The following MMP13 variants were observed in gnomAD, a reference collection of about 807,000 sequenced individuals.
MMP13 encodes the protein collagenase 3.
A neutral mutation model predicts 52.1 loss-of-function variants in MMP13; 45 were observed. The observed-to-expected ratio is 0.86, with a 90% confidence interval of 0.68 to 1.11. The LOEUF (loss-of-function observed/expected upper bound fraction) is 1.11. Ranked by LOEUF, MMP13 falls within the 50% of genes least tolerant of loss-of-function variation. The pLI, the probability that MMP13 is intolerant of heterozygous loss-of-function variation, is 0.00. For synonymous variants in MMP13, 200 were observed against 204.4 expected (o/e 0.98, Z 0.18); for missense variants, 576 against 583.8 (o/e 0.99, Z 0.14).
At chr11:102,954,352 A>C (rs1343390874) in intron 3 of MMP13, 71 bp from the exon 4 acceptor site, 1 of 1,607,574 alleles carries the variant, frequency 6.2e-7, no homozygotes, top group Non-Finnish European at 8.5e-7. Context: ...TTGGTAAATT[A>C]GTGTTGAATT....
In MMP13 at chr11:102,949,236, C is replaced by T. The variant is rs1860568540; in HGVS notation, c.918-78G>A. 6.4e-7 allele frequency: 1 copy of T among 1,550,612 alleles called. No individual in the cohort carries two copies. The highest frequency in any genetic ancestry group is 8.8e-7 in the Non-Finnish European group (1 of 1,140,600). ...CTATCCTGCTAGTCACCTCTCTCCA[C>T]ATCAACACAGACAAGTTAGATACAA... On this transcript the variant is annotated intron_variant, in intron 6 of 9. Coordinates refer to ENST00000260302, the MANE Select transcript of MMP13 (RefSeq NM_002427.4). This position sits in a 1 kb window ranked among gnomAD's most constrained non-coding sequence, Gnocchi z 4.2.
intron 5 of MMP13, among the ~76,000 whole-genome samples, chr11:102,951,075 C>G (rs1214594710): frequency 2.6e-5 from 4 of 151,950 alleles, no homozygotes; most frequent in Admixed American, 6.6e-5. Flanking sequence ...GGCTTTAACT[C>G]TATAACAGGT....
At chr11:102,946,630 G>C (rs1555016689) in intron 8 of MMP13, among the ~76,000 whole-genome samples, 3 of 152,190 alleles carry the variant, frequency 2.0e-5, no homozygotes, top group African/African-American at 7.2e-5. Flanking sequence ...TCAAGAGGGA[G>C]AGATGCAGGG....
intron 8 of MMP13, among the ~76,000 whole-genome samples, chr11:102,947,186 T>C (rs1860522709): frequency 6.6e-6 from 1 of 152,238 alleles, no homozygotes; most frequent in Non-Finnish European, 1.5e-5. Context: ...AATCTTTTCC[T>C]GTACTCATGC....
At chr11:102,946,141 TGTACA>T (rs1860503243) in intron 8 of MMP13, among the ~76,000 whole-genome samples, 1 of 152,242 alleles carries the variant, frequency 6.6e-6, no homozygotes, top group African/African-American at 2.4e-5. Flanking sequence ...ACTTACTTAG[TGTACA>T]GTAATGGCTA....
Position 102,952,783 on chromosome 11 carries a change from C to T in MMP13, c.638-610G>A, listed in dbSNP as rs1311758680. ...GCCATCTTTTCTCTACTCTAGAAGA[C>T]TACTATGTCACTGTATTTACATTGT... On this transcript the variant is annotated intron_variant, in intron 4 of 9. Coordinates refer to ENST00000260302, the MANE Select transcript of MMP13 (RefSeq NM_002427.4). The surrounding 1 kb of genome is among the most constrained non-coding windows in gnomAD (Gnocchi z 4.3). 6.6e-6 allele frequency among the ~76,000 whole-genome samples: 1 copy of T among 152,146 alleles called. No homozygotes were observed. Among genetic ancestry groups the T allele is most frequent in the African/African-American group, 2.4e-5 (1 of 41,444 alleles).
rs1330471875 is a variant in MMP13 at position 102,943,131 on chromosome 11, T to G, written c.*1135A>C. The G allele has an allele frequency of 6.6e-6, 1 of 152,164 alleles. No homozygotes were observed. Among genetic ancestry groups the G allele is most frequent in the Non-Finnish European group, 1.5e-5 (1 of 68,036 alleles). The allele number at this position is 152,164 out of a possible 1,614,324, so 9.4% of individuals were successfully genotyped here. On this transcript the variant is annotated 3_prime_UTR_variant, in exon 10 of 10. Transcript: ENST00000260302. ...CAATAGTTCTTCCCTTGATGGCCGA[T>G]CATATATTCAATAAGTGCCAAGCAC... is the stretch of plus-strand genomic sequence containing the variant.
intron 5 of MMP13, among the ~76,000 whole-genome samples, chr11:102,950,955 G>T (rs1860601865): frequency 1.3e-5 from 2 of 152,128 alleles, no homozygotes; most frequent in South Asian, 2.1e-4. Context: ...GGCTATGCTA[G>T]CTACTGTGAT....
rs1339573220 is a variant in MMP13, at chr11:102,952,651, A to G, written c.638-478T>C. Reference sequence around the variant, plus strand: ...GTACCAAGGATGGAGGATGCACTAAATAGGTTCTCTGTGTTTACTCTTGGG... The same window carrying G: ...GTACCAAGGATGGAGGATGCACTAAGTAGGTTCTCTGTGTTTACTCTTGGG... On this transcript the variant is annotated intron_variant, in intron 4 of 9. Coordinates refer to ENST00000260302, the MANE Select transcript of MMP13 (RefSeq NM_002427.4). The surrounding 1 kb of genome is among the most constrained non-coding windows in gnomAD (Gnocchi z 4.3). 6.6e-6 allele frequency among the ~76,000 whole-genome samples: 1 copy of G among 152,114 alleles called. No homozygotes were observed. The highest frequency in any genetic ancestry group is 1.5e-5 in the Non-Finnish European group (1 of 67,996).
In MMP13 at chr11:102,948,022, A is replaced by T. The variant is rs61737008; in HGVS notation, c.1080T>A (p.Tyr360Ter). ...TTTTGGGATAACCTTCCAGAATGTC[A>T]TAACCATTAAGAGCCCAAAATTTTC... ...RGRKFWALNG[Y>*]DILEGYPKKI... The change falls in exon 8 of 10, where the codon TAT (tyrosine) becomes TAA (stop). Residue 360 changes from tyrosine (Y) to a stop codon, truncating the protein, a stop_gained. Coordinates refer to ENST00000260302, the MANE Select transcript of MMP13 (RefSeq NM_002427.4). LOFTEE classifies it high-confidence loss of function. 1 of 1,613,772 alleles carries T rather than the reference A, an allele frequency of 6.2e-7. No homozygotes were observed. Among genetic ancestry groups the T allele is most frequent in the South Asian group, 1.1e-5 (1 of 91,076 alleles).
At chr11:102,948,680 A>G (rs1326403353) in intron 7 of MMP13, among the ~76,000 whole-genome samples, 1 of 152,216 alleles carries the variant, frequency 6.6e-6, no homozygotes, top group Non-Finnish European at 1.5e-5. Flanking sequence ...CTGAGTTTTC[A>G]GAAGGAAGAA....
At chr11:102,951,516 G>T (rs1555017315) in intron 5 of MMP13, among the ~76,000 whole-genome samples, 1 of 152,154 alleles carries the variant, frequency 6.6e-6, no homozygotes, top group Non-Finnish European at 1.5e-5. Context: ...TGGGTAGTTA[G>T]ATTTGGAAAG....
rs572760472 is a variant in MMP13 at position 102,944,004 on chromosome 11, G to C, written c.*262C>G. On this transcript the variant is annotated 3_prime_UTR_variant, in exon 10 of 10. Transcript: ENST00000260302. ...ACCATGTGTCCCATTTGTGGTGTGG[G>C]AAGTATCATCAACCATTGCTTTTGT... 4.5e-5 allele frequency: 19 copies of C among 422,266 alleles called. No individual in the cohort carries two copies. Among genetic ancestry groups the C allele is most frequent in the Admixed American group, 2.4e-4 (7 of 29,534 alleles). 26.2% of individuals were successfully genotyped at this position (422,266 alleles called of 1,614,324 possible).
chr11:102,945,082 A>C, intron 9 of MMP13: 1 of 322,918 alleles, frequency 3.1e-6, no homozygotes, highest in Non-Finnish European at 6.4e-6. Context: ...CATCTCTACT[A>C]AAAATGCAAA....
chr11:102,944,161 A>G lies in MMP13; in HGVS notation c.*105T>C, dbSNP rs1860455862. The G allele has an allele frequency of 1.2e-6, 1 of 845,272 alleles. No homozygotes were observed. The highest frequency in any genetic ancestry group is 2.5e-5 in the East Asian group (1 of 39,758). The allele number at this position is 845,272 out of a possible 1,614,324, so 52.4% of individuals were successfully genotyped here. ...AGATAACTTACTGAAGCTTGTTCAC[A>G]GAACCAAGCTTTCTCCTGATAGCTC... On this transcript the variant is annotated 3_prime_UTR_variant, in exon 10 of 10. Coordinates refer to ENST00000260302, the MANE Select transcript of MMP13 (RefSeq NM_002427.4).
Position 102,952,145 on chromosome 11 carries a change from A to T in MMP13, c.666T>A (p.His222Gln). The change falls in exon 5 of 10, where the codon CAT (histidine) becomes CAA (glutamine). Residue 222 changes from histidine (H) to glutamine (Q), a missense_variant. His to Gln is a conservative substitution (Grantham distance 24). Transcript: ENST00000260302. This position sits in a 1 kb window ranked among gnomAD's most constrained non-coding sequence, Gnocchi z 4.3. ...KGYNLFLVAA[H>Q]EFGHSLGLDH... ...CAAGACCTAAGGAGTGGCCGAACTC[A>T]TGCGCAGCAACAAGAAACAAGTTGT... is the stretch of plus-strand genomic sequence containing the variant. 1.9e-6 allele frequency: 3 copies of T among 1,613,290 alleles called. No individual in the cohort carries two copies. The highest frequency in any genetic ancestry group is 2.5e-6 in the Non-Finnish European group (3 of 1,179,358).
intron 6 of MMP13, 67 bp downstream of exon 6, chr11:102,950,043 C>A: frequency 7.5e-7 from 1 of 1,341,330 alleles, no homozygotes; most frequent in Admixed American, 1.7e-5. Flanking sequence ...GATGTTTTGG[C>A]AATATGCAGA....
rs782433681 is a variant in MMP13, at chr11:102,950,105, A to T, written c.917+5T>A. On this transcript the variant is annotated splice_donor_5th_base_variant and intron_variant, in intron 6 of 9. Transcript: ENST00000260302. ...ACAGACTTTATGAAAGAATCTCAAG[A>T]GTACCTGTCTTTAAAGATCATTGTT... is the stretch of plus-strand genomic sequence containing the variant. 5 of 1,591,816 alleles carry T rather than the reference A, an allele frequency of 3.1e-6. No individual in the cohort carries two copies. The highest frequency in any genetic ancestry group is 4.3e-6 in the Non-Finnish European group (5 of 1,159,852).
chr11:102,950,307 G>T, intron 5 of MMP13, 80 bp from the exon 6 acceptor site: 1 of 1,112,924 alleles, frequency 9.0e-7, no homozygotes, highest in Non-Finnish European at 1.4e-6. Flanking sequence ...AGGCTGATCT[G>T]CTGATGGACA....
Sources: gnomAD v4.1 joint callset for allele counts (sites outside exome capture counted in the v4.1 genomes callset) on GRCh38, gnomAD v4.1.1 for gene constraint, Gnocchi (gnomAD v3.1) non-coding constraint, MANE v1.5 for transcripts, NCBI Gene and HGNC (gene_info 2026-07-23, HGNC 2026-07-21) for gene names.